Variants in EBF3 observed in about 807,000 individuals in gnomAD.
EBF3 encodes the protein EBF transcription factor 3.
In EBF3, 18 loss-of-function variants were observed where a neutral mutation model predicts 77.1. That is an observed-to-expected ratio of 0.23 (90% confidence interval 0.16 to 0.35). The LOEUF (loss-of-function observed/expected upper bound fraction) is 0.35. Ranked by LOEUF, EBF3 falls within the 10% of genes least tolerant of loss-of-function variation. The pLI, the probability that EBF3 is intolerant of heterozygous loss-of-function variation, is 1.00. For missense variants in EBF3, 558 were observed against 860.0 expected (o/e 0.65, Z 4.39); for synonymous variants, 350 against 343.5 (o/e 1.02, Z -0.21).
rs1375116182 is a variant in EBF3 at position 129,840,354 on chromosome 10, A to G, written c.1650T>C (p.Pro550=). Residue 550 remains proline (P), a synonymous_variant, in exon 15 of 17, where the codon CCT becomes CCC. Transcript: ENST00000440978. ...GTTTCACTGCGGAGATGACATTGGC[A>G]GGTGAGAATGAGAAAATGCCGTGTG... The part of the protein sequence containing the change: ...SSTHGIFSFS[P]ANVISAVKQK... 4 of 1,571,194 alleles carry G rather than the reference A, an allele frequency of 2.5e-6. No individual in the cohort carries two copies. The highest frequency in any genetic ancestry group is 2.7e-5 in the African/African-American group (2 of 74,244).
intron 6 of EBF3, among the ~76,000 whole-genome samples, chr10:129,923,590 A>G (rs2134371753): frequency 6.6e-6 from 1 of 152,360 alleles, no homozygotes; most frequent in Non-Finnish European, 1.5e-5. Flanking sequence ...TCCGACATGC[A>G]AAAGAGTAAA....
intron 7 of EBF3, among the ~76,000 whole-genome samples, chr10:129,875,734 C>T (rs1852731810): frequency 6.6e-6 from 1 of 152,198 alleles, no homozygotes; most frequent in African/African-American, 2.4e-5. Context: ...CCTTTTTTGA[C>T]CACTGCCCAC....
rs779277572 is a variant in EBF3, at chr10:129,840,831, AACAG to A, written c.1561+9_1561+12del. On this transcript the variant is annotated intron_variant, in intron 14 of 16. Transcript: ENST00000440978. The stretch of plus-strand genomic sequence containing the variant: ...AATCTGCGTGATGACGTGTGACAAA[AACAG>A]ACACTTACTGCCGTAGGGAGAGTTA... 3.9e-5 allele frequency: 62 copies of A among 1,608,412 alleles called. No individual in the cohort carries two copies. Among genetic ancestry groups the A allele is most frequent in the Non-Finnish European group, 5.0e-5 (59 of 1,176,224 alleles).
chr10:129,955,985 T>C (rs760507061), intron 6 of EBF3, among the ~76,000 whole-genome samples: 4 of 152,188 alleles, frequency 2.6e-5, no homozygotes, highest in Non-Finnish European at 5.9e-5. Context: ...CAGATATAAT[T>C]ATATTGATTT....
chr10:129,957,442 G>A, intron 5 of EBF3, 116 bp from the exon 6 acceptor site: 1 of 797,110 alleles, frequency 1.3e-6, no homozygotes, highest in Non-Finnish European at 2.0e-6. Context: ...AACTACCAAG[G>A]CAGTTTGGAG....
intron 6 of EBF3, among the ~76,000 whole-genome samples, chr10:129,899,079 TC>T (rs758374437): frequency 1.3e-4 from 20 of 152,226 alleles, no homozygotes; most frequent in Non-Finnish European, 2.9e-4. Flanking sequence ...TCCTCCTGCC[TC>T]CGCGCAGCCT....
chr10:129,842,439 C>T lies in EBF3; in HGVS notation c.1195-146G>A. 1 of 976,158 alleles carries T rather than the reference C, an allele frequency of 1.0e-6. No homozygotes were observed. Among genetic ancestry groups the T allele is most frequent in the South Asian group, 1.8e-5 (1 of 57,132 alleles). The allele number at this position is 976,158 out of a possible 1,614,324, so 60.5% of individuals were successfully genotyped here. On this transcript the variant is annotated intron_variant, in intron 12 of 16. Coordinates refer to ENST00000440978, the MANE Select transcript of EBF3 (RefSeq NM_001375380.1). The surrounding 1 kb of genome is among the most constrained non-coding windows in gnomAD (Gnocchi z 4.4). ...TTTCTTAATGGGCAAAGAGCTTCCC[C>T]TAGAAAATCATTTACTGACGCTTTT...
intron 10 of EBF3, among the ~76,000 whole-genome samples, chr10:129,860,979 G>A (rs1387565049): frequency 1.3e-5 from 2 of 152,334 alleles, no homozygotes; most frequent in South Asian, 2.1e-4. Context: ...GTCTACTTGT[G>A]CAATAGCACA....
In EBF3 at chr10:129,943,206, C is replaced by A. The variant is rs1184264872; in HGVS notation, c.554+14052G>T. Among the ~76,000 whole-genome samples, 1 of 152,202 alleles carries A rather than the reference C, an allele frequency of 6.6e-6. No homozygotes were observed. Among genetic ancestry groups the A allele is most frequent in the Non-Finnish European group, 1.5e-5 (1 of 68,032 alleles). ...GCTCTTCATTGGGGCCAGGCCTGAC[C>A]CGGCCTTCCCAGTTGGAGGGGATTT... On this transcript the variant is annotated intron_variant, in intron 6 of 16. Transcript: ENST00000440978. This position sits in a 1 kb window ranked among gnomAD's most constrained non-coding sequence, Gnocchi z 8.8.
chr10:129,915,497 C>CAA (rs869168004), intron 6 of EBF3, among the ~76,000 whole-genome samples: 32 of 83,698 alleles, frequency 3.8e-4, no homozygotes, highest in Middle Eastern at 6.5e-3. Context: ...CACACACACA[C>CAA]AAAAAAGCCA....
Position 129,897,916 on chromosome 10 carries a change from G to A in EBF3, c.555-20067C>T, listed in dbSNP as rs938051855. Among the ~76,000 whole-genome samples, 1 of 152,202 alleles carries A rather than the reference G, an allele frequency of 6.6e-6. No homozygotes were observed. The highest frequency in any genetic ancestry group is 1.5e-5 in the Non-Finnish European group (1 of 68,036). Reference sequence around the variant, plus strand: ...CTGCAATTTCTGCCCTTTTCCTGGTGAGGAATTTCAAATAATTCTGTTATA... The same window carrying A: ...CTGCAATTTCTGCCCTTTTCCTGGTAAGGAATTTCAAATAATTCTGTTATA... On this transcript the variant is annotated intron_variant, in intron 6 of 16. Transcript: ENST00000440978. This position sits in a 1 kb window ranked among gnomAD's most constrained non-coding sequence, Gnocchi z 4.6.
intron 6 of EBF3, among the ~76,000 whole-genome samples, chr10:129,955,757 C>T (rs1301309849): frequency 1.3e-5 from 2 of 152,194 alleles, no homozygotes; most frequent in African/African-American, 4.8e-5. Context: ...AAGTCTCACA[C>T]TTTATAAACA....
At chr10:129,921,361 ACCAAAAAGGC>A (rs1018245191) in intron 6 of EBF3, among the ~76,000 whole-genome samples, 1 of 152,106 alleles carries the variant, frequency 6.6e-6, no homozygotes, top group Non-Finnish European at 1.5e-5. Flanking sequence ...ATTGGTCACA[ACCAAAAAGGC>A]CTCTGGATGT....
At chr10:129,875,184 CTTCTT>C (rs1303903172) in intron 7 of EBF3, among the ~76,000 whole-genome samples, 16 of 117,620 alleles carry the variant, frequency 1.4e-4, no homozygotes, top group Non-Finnish European at 2.1e-4. Context: ...GTGATGGCTT[CTTCTT>C]TTTTTTTTTT....
At chr10:129,881,328 T>C (rs1189016467) in intron 6 of EBF3, among the ~76,000 whole-genome samples, 3 of 152,206 alleles carry the variant, frequency 2.0e-5, no homozygotes, top group Admixed American at 2.0e-4. Context: ...GACCATTATG[T>C]GCACTAATTC....
At chr10:129,839,943 C>A (rs562681175) in intron 15 of EBF3, among the ~76,000 whole-genome samples, 8 of 152,334 alleles carry the variant, frequency 5.3e-5, no homozygotes, top group Non-Finnish European at 1.0e-4. Context: ...CACACTCCCG[C>A]CTTCTCTTAC....
chr10:129,960,817 T>C (rs2134639358), intron 4 of EBF3, among the ~76,000 whole-genome samples: 1 of 152,240 alleles, frequency 6.6e-6, no homozygotes, highest in East Asian at 1.9e-4. Flanking sequence ...AACCTCTTAA[T>C]TAGACTATAG....
chr10:129,878,604 G>A (rs565579058), intron 6 of EBF3, among the ~76,000 whole-genome samples: 1 of 147,234 alleles, frequency 6.8e-6, no homozygotes, highest in Admixed American at 6.9e-5. Context: ...AGGAGGTTCA[G>A]TGAGCCGAGA....
At chr10:129,843,875 G>A (rs1850267060) in intron 11 of EBF3, among the ~76,000 whole-genome samples, 1 of 152,216 alleles carries the variant, frequency 6.6e-6, no homozygotes, top group Non-Finnish European at 1.5e-5. Context: ...CGCTGTGCCT[G>A]GGGGCTTGGA....
Sources: gnomAD v4.1 joint callset for allele counts (sites outside exome capture counted in the v4.1 genomes callset) on GRCh38, gnomAD v4.1.1 for gene constraint, Gnocchi (gnomAD v3.1) non-coding constraint, MANE v1.5 for transcripts, NCBI Gene and HGNC (gene_info 2026-07-23, HGNC 2026-07-21) for gene names.